SGMS1: variants seen among roughly 807,000 people sequenced by gnomAD.
SGMS1 encodes phosphatidylcholine:ceramide cholinephosphotransferase 1.
A neutral mutation model predicts 46.2 loss-of-function variants in SGMS1; 13 were observed. The observed-to-expected ratio is 0.28, with a 90% confidence interval of 0.18 to 0.45. The LOEUF (loss-of-function observed/expected upper bound fraction) is 0.45. Ranked by LOEUF, SGMS1 falls within the 20% of genes least tolerant of loss-of-function variation. SGMS1 has a pLI of 1.00. For missense variants in SGMS1, 324 were observed against 519.9 expected (o/e 0.62, Z 3.66); for synonymous variants, 203 against 187.8 (o/e 1.08, Z -0.66).
rs1308487276 is a variant in SGMS1 at position 50,371,413 on chromosome 10, C to T, written c.-231-27068G>A. Among the ~76,000 whole-genome samples the T allele has an allele frequency of 3.9e-5, 6 of 152,250 alleles. 1 individual carries two copies. Among genetic ancestry groups the T allele is most frequent in the African/African-American group, 1.4e-4 (6 of 41,472 alleles). On this transcript the variant is annotated intron_variant, in intron 6 of 10. Coordinates refer to ENST00000361781, the MANE Select transcript of SGMS1 (RefSeq NM_147156.4). ...CAAACTGCACAAGGCAGCAAGAGAA[C>T]TTTTAAAACTGTGTAATTCTCATCT...
At chr10:50,342,104 G>A (rs1847830044) in intron 7 of SGMS1, 1 of 152,234 alleles carries the variant, frequency 6.6e-6, no homozygotes, top group African/African-American at 2.4e-5. Flanking sequence ...AATTTGAGTT[G>A]ACCTTGCCTT....
chr10:50,316,144 G>A (rs1156704181), intron 8 of SGMS1, among the ~76,000 whole-genome samples: 1 of 152,172 alleles, frequency 6.6e-6, no homozygotes, highest in African/African-American at 2.4e-5. Context: ...GCAGAGCAGG[G>A]GCACTGACTG....
chr10:50,592,649 G>T (rs1410590290), intron 1 of SGMS1, among the ~76,000 whole-genome samples: 1 of 152,084 alleles, frequency 6.6e-6, no homozygotes, highest in Non-Finnish European at 1.5e-5. Context: ...TTTCCTCATG[G>T]CCTTTCCCGC....
At chr10:50,308,738 C>G (rs755188695) in intron 9 of SGMS1, among the ~76,000 whole-genome samples, 1 of 152,078 alleles carries the variant, frequency 6.6e-6, no homozygotes, top group Non-Finnish European at 1.5e-5. Flanking sequence ...TGTCTGTATC[C>G]CCATTTGGGA....
At chr10:50,414,763 G>T (rs928931434) in intron 6 of SGMS1, among the ~76,000 whole-genome samples, 11 of 152,082 alleles carry the variant, frequency 7.2e-5, no homozygotes, top group African/African-American at 2.7e-4. Flanking sequence ...CATCTCCTTG[G>T]TTCCAAATAC....
At chr10:50,467,399 A>G (rs563375735) in intron 3 of SGMS1, among the ~76,000 whole-genome samples, 2 of 148,600 alleles carry the variant, frequency 1.3e-5, no homozygotes, top group Admixed American at 1.4e-4. Context: ...GACCACATAC[A>G]TAAGTGTATG....
At chr10:50,515,098 C>A (rs1837789965) in intron 3 of SGMS1, among the ~76,000 whole-genome samples, 1 of 152,204 alleles carries the variant, frequency 6.6e-6, no homozygotes, top group Admixed American at 6.5e-5. Flanking sequence ...AACTCATTAT[C>A]TTTTGTGAGA....
intron 6 of SGMS1, among the ~76,000 whole-genome samples, chr10:50,396,654 G>C (rs749018712): frequency 3.9e-5 from 6 of 152,114 alleles, no homozygotes; most frequent in Non-Finnish European, 8.8e-5. Context: ...CTGACTCACA[G>C]GATTAAATGA....
chr10:50,563,855 G>A (rs929598070), intron 2 of SGMS1, among the ~76,000 whole-genome samples: 6 of 151,862 alleles, frequency 4.0e-5, no homozygotes, highest in East Asian at 1.9e-4. Flanking sequence ...CAGGGTTTCT[G>A]ATTACACTTG....
intron 5 of SGMS1, among the ~76,000 whole-genome samples, chr10:50,444,729 A>C (rs1355711386): frequency 6.6e-6 from 1 of 151,710 alleles, no homozygotes; most frequent in Non-Finnish European, 1.5e-5. Context: ...CATTTATTAA[A>C]AAAAAAATAC....
At position 50,587,631 on chromosome 10, in the gene SGMS1, A is replaced by ATGTGTGTGTGTGTGTGTGTG. The variant is rs1415958432; in HGVS notation, c.-589+2521_-589+2522insCACACACACACACACACACA. On this transcript the variant is annotated intron_variant, in intron 2 of 10. Transcript: ENST00000361781. ...AGAGCAAGACTGCATCTCAAAATATATATGTGTGTGTGTGTGTGTGTGTGT... is the reference window on the plus strand; with the variant it reads ...AGAGCAAGACTGCATCTCAAAATATATGTGTGTGTGTGTGTGTGTGTATGTGTGTGTGTGTGTGTGTGTGT... 4.2e-5 allele frequency among the ~76,000 whole-genome samples: 5 copies of ATGTGTGTGTGTGTGTGTGTG among 118,654 alleles called. 1 individual carries two copies. Among genetic ancestry groups the ATGTGTGTGTGTGTGTGTGTG allele is most frequent in the African/African-American group, 6.8e-5 (2 of 29,460 alleles). The allele number at this position is 118,654 out of a possible 152,430, so 77.8% of individuals were successfully genotyped here. A position where few individuals can be genotyped will look rare whatever the true frequency, so the allele number is the denominator to read the frequency against.
At chr10:50,324,014 A>G (rs2133306416) in intron 8 of SGMS1, among the ~76,000 whole-genome samples, 1 of 152,342 alleles carries the variant, frequency 6.6e-6, no homozygotes, top group Non-Finnish European at 1.5e-5. Flanking sequence ...TCCCTAATGT[A>G]TGTTTGTTAA....
chr10:50,443,507 G>GA (rs927396676), intron 5 of SGMS1, among the ~76,000 whole-genome samples: 95 of 151,022 alleles, frequency 6.3e-4, no homozygotes, highest in African/African-American at 2.1e-3. Context: ...AAGAGAAGGA[G>GA]AAAAAAAAGA....
chr10:50,446,769 C>T (rs1837021964), intron 5 of SGMS1, among the ~76,000 whole-genome samples: 1 of 152,166 alleles, frequency 6.6e-6, no homozygotes, highest in African/African-American at 2.4e-5. Flanking sequence ...AAAGTGGACA[C>T]AAGAGAACTT....
intron 1 of SGMS1, among the ~76,000 whole-genome samples, chr10:50,621,343 G>T (rs534144864): frequency 4.6e-5 from 7 of 152,092 alleles, no homozygotes; most frequent in Admixed American, 1.3e-4. Flanking sequence ...AAAGAATCAA[G>T]TTTTCAAGCT....
At chr10:50,532,673 A>G (rs897195511) in intron 2 of SGMS1, among the ~76,000 whole-genome samples, 1 of 152,204 alleles carries the variant, frequency 6.6e-6, no homozygotes, top group Non-Finnish European at 1.5e-5. Context: ...ATTTTTCTTA[A>G]AGCCCTAAAA....
At chr10:50,392,999 T>A (rs1848796795) in intron 6 of SGMS1, among the ~76,000 whole-genome samples, 1 of 152,136 alleles carries the variant, frequency 6.6e-6, no homozygotes, top group South Asian at 2.1e-4. Context: ...GAAAGTTTTT[T>A]TTTTTTAATG....
rs1340823428 is a variant in SGMS1, at chr10:50,392,146, T to TA, written c.-232+41329dup. ...AAATCCCCATGACACGCAATTTACC[T>TA]ATATAACAAACCTGCACATGTACTC... On this transcript the variant is annotated intron_variant, in intron 6 of 10. Transcript: ENST00000361781. Among the ~76,000 whole-genome samples, 8 of 150,842 alleles carry TA rather than the reference T, an allele frequency of 5.3e-5. No homozygotes were observed. The East Asian group carries it at 1.6e-3, about 29-fold the overall frequency.
At chr10:50,352,811 T>C (rs1224324786) in intron 6 of SGMS1, among the ~76,000 whole-genome samples, 1 of 152,146 alleles carries the variant, frequency 6.6e-6, no homozygotes, top group Non-Finnish European at 1.5e-5. Flanking sequence ...TATAAACACC[T>C]CTATGCAAAT....
Sources: allele counts gnomAD v4.1 joint callset (sites outside exome capture counted in the v4.1 genomes callset), GRCh38; gene constraint gnomAD v4.1.1; transcripts MANE v1.5; gene names NCBI Gene and HGNC (gene_info 2026-07-23, HGNC 2026-07-21).